The following SNX19 variants were observed in gnomAD, a reference collection of about 807,000 sequenced individuals.
SNX19 encodes the protein sorting nexin-19.
SNX19 carries 60 observed loss-of-function variants against 85.2 expected under a neutral mutation model. The ratio of observed to expected loss-of-function variants is 0.70; its 90% CI spans 0.57 to 0.87. The LOEUF is 0.87. Among genes scored for constraint, SNX19 ranks in the 40% least tolerant of loss-of-function variants. SNX19 has a pLI of 0.00. For missense variants in SNX19, 1,201 were observed against 1,217.8 expected (o/e 0.99, Z 0.21); for synonymous variants, 520 against 470.0 (o/e 1.11, Z -1.38).
At position 130,906,097 on chromosome 11, in the gene SNX19, A is replaced by G; in HGVS notation, c.2299T>C (p.Phe767Leu). The G allele has an allele frequency of 1.9e-6, 3 of 1,614,172 alleles. No homozygotes were observed. The highest frequency in any genetic ancestry group is 2.5e-6 in the Non-Finnish European group (3 of 1,180,036). ...ETLSMSAMES[F>L]IEKQTKLLEM... ...AGTAACTTTGTCTGTTTTTCAATAAAAGATTCCATCGCAGACATGGATAGA... is the reference window on the plus strand; with the variant it reads ...AGTAACTTTGTCTGTTTTTCAATAAGAGATTCCATCGCAGACATGGATAGA... Residue 767 changes from phenylalanine (F) to leucine (L), a missense_variant, in exon 7 of 11, where the codon TTT becomes CTT. This residue lies in a region of SNX19 where 285 missense variants were observed against 295.3 expected (regional missense o/e 0.97). Coordinates refer to ENST00000265909, the MANE Select transcript of SNX19 (RefSeq NM_014758.3).
rs548985952 is a variant in SNX19 at position 130,872,649 on chromosome 11, C to A, written c.*5773G>T. 6.6e-6 allele frequency among the ~76,000 whole-genome samples: 1 copy of A among 152,142 alleles called. No individual in the cohort carries two copies. Among genetic ancestry groups the A allele is most frequent in the African/African-American group, 2.4e-5 (1 of 41,452 alleles). ...TTCGATGGTTTCATTTTCTTGTCTA[C>A]AAAGGCAGGGTGAGCGACTGCTGCC... On this transcript the variant is annotated 3_prime_UTR_variant, in exon 11 of 11. Coordinates refer to ENST00000265909, the MANE Select transcript of SNX19 (RefSeq NM_014758.3).
chr11:130,897,083 C>G lies in SNX19; in HGVS notation c.2573+6172G>C, dbSNP rs73583855. 5.0e-3 allele frequency among the ~76,000 whole-genome samples: 756 copies of G among 152,250 alleles called. 10 individuals carry two copies. The highest frequency in any genetic ancestry group is 0.017 in the African/African-American group (724 of 41,546). ...CCAGTGCTCCCAGACTCTGCCGCAG[C>G]TCTCCTGACCTTTCCTAGGAGATGG... On this transcript the variant is annotated intron_variant, in intron 8 of 10. Coordinates refer to ENST00000265909, the MANE Select transcript of SNX19 (RefSeq NM_014758.3).
Position 130,872,762 on chromosome 11 carries a change from TATC to T in SNX19, c.*5657_*5659del, listed in dbSNP as rs1168494288. Among the ~76,000 whole-genome samples, 2 of 152,172 alleles carry T rather than the reference TATC, an allele frequency of 1.3e-5. No homozygotes were observed. Among genetic ancestry groups the T allele is most frequent in the African/African-American group, 4.8e-5 (2 of 41,432 alleles). ...CCAGTTAGGCCTTCGACTACAAAAG[TATC>T]ATGGTTTCCCTTCCTCCCCAGTTAC... On this transcript the variant is annotated 3_prime_UTR_variant, in exon 11 of 11. Coordinates refer to ENST00000265909, the MANE Select transcript of SNX19 (RefSeq NM_014758.3).
At chr11:130,906,576 C>T in intron 6 of SNX19, 49 bp downstream of exon 6, 1 of 1,305,004 alleles carries the variant, frequency 7.7e-7, no homozygotes, top group African/African-American at 1.4e-5. Flanking sequence ...ACTGCAGGAC[C>T]AACATCTCAG....
rs758882591 is a variant in SNX19 at position 130,914,658 on chromosome 11, G to A, written c.1282C>T (p.Pro428Ser). 6.2e-7 allele frequency: 1 copy of A among 1,613,842 alleles called. No homozygotes were observed. The highest frequency in any genetic ancestry group is 8.5e-7 in the Non-Finnish European group (1 of 1,179,852). The change falls in exon 1 of 11, where the codon CCA becomes TCA. Residue 428 changes from proline (P) to serine (S), a missense_variant. Physicochemically the swap from Pro to Ser is moderately conservative, Grantham distance 74. Coordinates refer to ENST00000265909, the MANE Select transcript of SNX19 (RefSeq NM_014758.3). ...AGGCCTGTCTCTGTTTCTGTCCCTGGACCCTCCTCAGCCTCTGCTCCTTCA... is the reference window on the plus strand; with the variant it reads ...AGGCCTGTCTCTGTTTCTGTCCCTGAACCCTCCTCAGCCTCTGCTCCTTCA... ...ASEGAEAEEG[P>S]GTETETGLPV...
chr11:130,905,416 G>A (rs896904083), intron 7 of SNX19, among the ~76,000 whole-genome samples: 3 of 152,146 alleles, frequency 2.0e-5, no homozygotes, highest in African/African-American at 7.2e-5. Flanking sequence ...TCCAAGTGAA[G>A]ATATACAATA....
intron 8 of SNX19, among the ~76,000 whole-genome samples, chr11:130,896,705 T>C (rs940735754): frequency 1.3e-5 from 2 of 152,242 alleles, no homozygotes; most frequent in African/African-American, 4.8e-5. Context: ...TTATGAAATG[T>C]AGAACTACAT....
intron 8 of SNX19, among the ~76,000 whole-genome samples, chr11:130,888,612 A>G (rs1944264299): frequency 6.6e-6 from 1 of 152,174 alleles, no homozygotes; most frequent in Non-Finnish European, 1.5e-5. Context: ...ATGTTCACAA[A>G]CATCTATTTC....
rs1943115629 is a variant in SNX19 at position 130,873,780 on chromosome 11, G to A, written c.*4642C>T. On this transcript the variant is annotated 3_prime_UTR_variant, in exon 11 of 11. Transcript: ENST00000265909. ...TTAGCTGGTACCAGGCATTTTGGGA[G>A]TAGATAGGGGATCTGCTGAATGTTG... Among the ~76,000 whole-genome samples, 1 of 152,178 alleles carries A rather than the reference G, an allele frequency of 6.6e-6. No individual in the cohort carries two copies. Among genetic ancestry groups the A allele is most frequent in the South Asian group, 2.1e-4 (1 of 4,826 alleles).
At chr11:130,904,593 T>C (rs770708794) in intron 7 of SNX19, among the ~76,000 whole-genome samples, 5 of 152,154 alleles carry the variant, frequency 3.3e-5, no homozygotes, top group Non-Finnish European at 4.4e-5. Flanking sequence ...GTTTAGCATT[T>C]GCTTGGAGCT....
chr11:130,903,678 T>C (rs534903900), intron 7 of SNX19, among the ~76,000 whole-genome samples: 2 of 147,704 alleles, frequency 1.4e-5, no homozygotes, highest in East Asian at 3.9e-4. Context: ...GCTAAATATA[T>C]ATATGTGTGT....
chr11:130,885,530 A>C (rs541757406), intron 8 of SNX19, among the ~76,000 whole-genome samples: 139 of 152,336 alleles, frequency 9.1e-4, no homozygotes, highest in African/African-American at 3.0e-3. Context: ...TTCTTTTCTA[A>C]GACAGCAGCT....
chr11:130,906,235 GGTA>G (rs568086033), intron 6 of SNX19, 102 bp from the exon 7 acceptor site: 3 of 1,221,542 alleles, frequency 2.5e-6, no homozygotes, highest in Admixed American at 2.5e-5. Flanking sequence ...AAGTACCTTG[GGTA>G]TAAAACCCAA....
intron 8 of SNX19, among the ~76,000 whole-genome samples, chr11:130,884,421 G>T (rs530324202): frequency 9.2e-4 from 140 of 152,286 alleles, no homozygotes; most frequent in Non-Finnish European, 1.6e-3. Context: ...AAGTGGAAGG[G>T]ATGGAATTTA....
intron 8 of SNX19, among the ~76,000 whole-genome samples, chr11:130,897,273 C>T (rs922813297): frequency 2.0e-5 from 3 of 152,068 alleles, no homozygotes; most frequent in African/African-American, 4.8e-5. Flanking sequence ...TTACACACTT[C>T]ACGCTCCCCT....
chr11:130,904,767 A>G (rs1242131292), intron 7 of SNX19, among the ~76,000 whole-genome samples: 3 of 152,058 alleles, frequency 2.0e-5, no homozygotes, highest in African/African-American at 7.2e-5. Flanking sequence ...TCAGGCCTAA[A>G]CCATCCCTCT....
In SNX19 at chr11:130,906,086, T is replaced by C. The variant is rs1165917228; in HGVS notation, c.2310A>G (p.Lys770=). 1 of 1,613,992 alleles carries C rather than the reference T, an allele frequency of 6.2e-7. No individual in the cohort carries two copies. The highest frequency in any genetic ancestry group is 8.5e-7 in the Non-Finnish European group (1 of 1,180,042). Residue 770 remains lysine (K), a synonymous_variant, in exon 7 of 11, where the codon AAA becomes AAG. Coordinates refer to ENST00000265909, the MANE Select transcript of SNX19 (RefSeq NM_014758.3). ...GCTGCATTTCCAGTAACTTTGTCTGTTTTTCAATAAAAGATTCCATCGCAG... is the reference window on the plus strand; with the variant it reads ...GCTGCATTTCCAGTAACTTTGTCTGCTTTTCAATAAAAGATTCCATCGCAG... ...SMSAMESFIE[K]QTKLLEMQPT... is the part of the protein sequence containing the mutation.
In SNX19 at chr11:130,914,824, C is replaced by A. The variant is rs1205661127; in HGVS notation, c.1116G>T (p.Glu372Asp). Reference sequence around the variant, plus strand: ...CCAGTTCAGACAGCGGAGACTCCAGCTCTGAGTCTTCACATAAGAACAGGG... The same window carrying A: ...CCAGTTCAGACAGCGGAGACTCCAGATCTGAGTCTTCACATAAGAACAGGG... ...RGPLFLCEDS[E>D]LESPLSELGK... The change falls in exon 1 of 11, where the codon GAG (glutamate) becomes GAT (aspartate). Residue 372 changes from glutamate to aspartate, a missense_variant. Transcript: ENST00000265909. 2 of 1,614,232 alleles carry A rather than the reference C, an allele frequency of 1.2e-6. No individual in the cohort carries two copies. Among genetic ancestry groups the A allele is most frequent in the African/African-American group, 2.7e-5 (2 of 75,060 alleles).
chr11:130,903,784 C>T (rs1217801555), intron 7 of SNX19, among the ~76,000 whole-genome samples: 2 of 151,278 alleles, frequency 1.3e-5, no homozygotes, highest in East Asian at 2.0e-4. Flanking sequence ...TCTATTTCTT[C>T]TGTATTTCCC....
Sources: gnomAD v4.1 joint callset for allele counts (sites outside exome capture counted in the v4.1 genomes callset) on GRCh38, gnomAD v4.1.1 for gene constraint, gnomAD v4.1.1 regional missense constraint, MANE v1.5 for transcripts, NCBI Gene and HGNC (gene_info 2026-07-23, HGNC 2026-07-21) for gene names.